Variants in ERC2 observed in about 807,000 individuals in gnomAD.
The protein encoded by ERC2 is ERC protein 2.
ERC2 carries 42 observed loss-of-function variants against 114.8 expected under a neutral mutation model. That is an observed-to-expected ratio of 0.37 (90% CI 0.29 to 0.47). The LOEUF is 0.47. ERC2 is among the 20% of genes least tolerant of loss of function. The pLI is 0.99. For synonymous variants in ERC2, 454 were observed against 425.5 expected (o/e 1.07, Z -0.82); for missense variants, 939 against 1,150.7 (o/e 0.82, Z 2.66).
At chr3:55,784,167 T>TTTTG (rs540063169) in intron 14 of ERC2, among the ~76,000 whole-genome samples, 1,524 of 152,196 alleles carry the variant, frequency 0.01, 23 homozygotes, top group African/African-American at 0.035. Flanking sequence ...TTTGTTTTGT[T>TTTTG]TTTGTTTGTT....
intron 14 of ERC2, among the ~76,000 whole-genome samples, chr3:55,812,020 C>T (rs181007668): frequency 6.6e-6 from 1 of 152,286 alleles, no homozygotes; most frequent in African/African-American, 2.4e-5. Flanking sequence ...CTTCCCCTGC[C>T]CACCCCACAG....
intron 5 of ERC2, among the ~76,000 whole-genome samples, chr3:56,148,739 GAACTCCT>G (rs2081272092): frequency 6.6e-6 from 1 of 152,106 alleles, no homozygotes; most frequent in Admixed American, 6.6e-5. Flanking sequence ...AATACCAAAG[GAACTCCT>G]AATTAAAGCC....
chr3:56,321,218 C>A (rs542095957), intron 2 of ERC2, among the ~76,000 whole-genome samples: 1 of 151,920 alleles, frequency 6.6e-6, no homozygotes, highest in African/African-American at 2.4e-5. Context: ...AAAGAGAAGA[C>A]AAATAGGGTA....
intron 1 of ERC2, among the ~76,000 whole-genome samples, chr3:56,441,402 T>C (rs79635411): frequency 0.019 from 2,861 of 152,310 alleles, 42 homozygotes; most frequent in Middle Eastern, 0.041. Context: ...TAAGAAATTA[T>C]TATTTAAAGC....
chr3:55,705,954 A>T (rs746045786), intron 15 of ERC2, among the ~76,000 whole-genome samples: 1 of 151,932 alleles, frequency 6.6e-6, no homozygotes, highest in Non-Finnish European at 1.5e-5. Flanking sequence ...TGCAGCTTGG[A>T]TGGACAGTCC....
intron 7 of ERC2, among the ~76,000 whole-genome samples, chr3:56,023,940 C>T (rs930411490): frequency 6.6e-5 from 10 of 152,148 alleles, no homozygotes; most frequent in Non-Finnish European, 2.9e-5. Flanking sequence ...CTATACATAG[C>T]TTAAAACAGA....
intron 10 of ERC2, among the ~76,000 whole-genome samples, chr3:56,002,621 C>G (rs750698175): frequency 6.6e-6 from 1 of 152,128 alleles, no homozygotes; most frequent in African/African-American, 2.4e-5. Flanking sequence ...ATGCCTTTAA[C>G]TGTTACAAAA....
At position 55,897,650 on chromosome 3, in the gene ERC2, C is replaced by T. The variant is rs77495662; in HGVS notation, c.2404-9101G>A. Among the ~76,000 whole-genome samples the T allele has an allele frequency of 1.8e-4, 27 of 152,258 alleles. No homozygotes were observed. In the East Asian group the frequency reaches 2.5e-3, roughly 14 times the overall value. On this transcript the variant is annotated intron_variant, in intron 13 of 17. Coordinates refer to ENST00000288221, the MANE Select transcript of ERC2 (RefSeq NM_015576.3). ...CCTGAGATCAGAAGGTGAAGATAAA[C>T]GCTTAAACCCCCCGTCAGCAGCAGC...
chr3:55,752,520 C>T (rs891211005), intron 14 of ERC2, among the ~76,000 whole-genome samples: 9 of 152,142 alleles, frequency 5.9e-5, no homozygotes, highest in African/African-American at 2.2e-4. Flanking sequence ...GACTGCTGAA[C>T]AAGGGACAGG....
intron 1 of ERC2, among the ~76,000 whole-genome samples, chr3:56,462,577 A>G (rs1255022648): frequency 2.0e-5 from 3 of 152,118 alleles, no homozygotes; most frequent in Non-Finnish European, 4.4e-5. Flanking sequence ...CATTATCTCC[A>G]CTATGGTACT....
At chr3:55,835,394 C>T (rs2060827128) in intron 14 of ERC2, among the ~76,000 whole-genome samples, 1 of 152,110 alleles carries the variant, frequency 6.6e-6, no homozygotes, top group African/African-American at 2.4e-5. Context: ...CATCAAAAAG[C>T]TTATCCACCA....
At chr3:55,950,622 A>G (rs1308896350) in intron 12 of ERC2, 62 bp from the exon 13 acceptor site, 1 of 1,587,664 alleles carries the variant, frequency 6.3e-7, no homozygotes, top group African/African-American at 1.3e-5. Context: ...GTTATCACAA[A>G]TAGATTCAGG....
At chr3:55,550,842 C>T (rs1261888225) in intron 17 of ERC2, among the ~76,000 whole-genome samples, 2 of 151,780 alleles carry the variant, frequency 1.3e-5, no homozygotes, top group Non-Finnish European at 2.9e-5. Flanking sequence ...CGGTGAAACC[C>T]CATCTCTACT....
At chr3:55,515,831 G>T (rs1184329213) in intron 17 of ERC2, among the ~76,000 whole-genome samples, 1 of 152,066 alleles carries the variant, frequency 6.6e-6, no homozygotes, top group South Asian at 2.1e-4. Context: ...TTGGAATAAA[G>T]ACACCTGCCC....
At chr3:56,072,638 G>A (rs1448339981) in intron 7 of ERC2, among the ~76,000 whole-genome samples, 1 of 152,018 alleles carries the variant, frequency 6.6e-6, no homozygotes, top group Non-Finnish European at 1.5e-5. Flanking sequence ...TAGATCAAAT[G>A]TATGAAAAGA....
At chr3:56,459,154 C>T (rs907368408) in intron 1 of ERC2, among the ~76,000 whole-genome samples, 2 of 152,174 alleles carry the variant, frequency 1.3e-5, no homozygotes, top group Non-Finnish European at 2.9e-5. Context: ...AACTCCTGAC[C>T]ACACCTATCT....
intron 7 of ERC2, among the ~76,000 whole-genome samples, chr3:56,071,189 T>C (rs1159555306): frequency 1.3e-5 from 2 of 152,182 alleles, no homozygotes; most frequent in Admixed American, 6.5e-5. Context: ...ATGTGGACTA[T>C]TGGATGGCTG....
At chr3:56,287,803 G>A (rs2054822019) in intron 3 of ERC2, among the ~76,000 whole-genome samples, 1 of 152,160 alleles carries the variant, frequency 6.6e-6, no homozygotes, top group Non-Finnish European at 1.5e-5. Flanking sequence ...ACCTGGGCCA[G>A]TCACATCACC....
chr3:55,952,425 C>A (rs1315009738), intron 12 of ERC2, among the ~76,000 whole-genome samples: 8 of 151,910 alleles, frequency 5.3e-5, no homozygotes, highest in African/African-American at 1.9e-4. Flanking sequence ...AACTTGCATG[C>A]TAATCCACTT....
Sources: allele counts gnomAD v4.1 joint callset (sites outside exome capture counted in the v4.1 genomes callset), GRCh38; gene constraint gnomAD v4.1.1; transcripts MANE v1.5; gene names NCBI Gene and HGNC (gene_info 2026-07-23, HGNC 2026-07-21).